Variants in DNAJC12 observed in about 807,000 individuals in gnomAD.
DNAJC12 encodes DnaJ heat shock protein family (Hsp40) member C12, also known as dnaJ homolog subfamily C member 12.
Under a neutral mutation model 28.5 loss-of-function variants are expected in DNAJC12, and 25 were observed. The ratio of observed to expected loss-of-function variants is 0.88; its 90% CI spans 0.64 to 1.22. The LOEUF is 1.22. Among genes scored for constraint, DNAJC12 ranks in the 50% most tolerant of loss-of-function variants. The pLI, the probability that DNAJC12 is intolerant of heterozygous loss-of-function variation, is 0.00. For missense variants in DNAJC12, 222 were observed against 231.7 expected (o/e 0.96, Z 0.27); for synonymous variants, 77 against 80.6 (o/e 0.95, Z 0.24).
intron 4 of DNAJC12, among the ~76,000 whole-genome samples, chr10:67,801,914 T>C (rs1841750414): frequency 8.0e-6 from 1 of 125,078 alleles, no homozygotes; most frequent in South Asian, 2.8e-4. Context: ...CAGGCTGGAG[T>C]GCAGTGGCAG....
chr10:67,818,881 C>G (rs1841942163), intron 2 of DNAJC12, among the ~76,000 whole-genome samples: 1 of 152,064 alleles, frequency 6.6e-6, no homozygotes, highest in African/African-American at 2.4e-5. Context: ...TCTCAAGTTC[C>G]TGACCTCAGG....
intron 2 of DNAJC12, among the ~76,000 whole-genome samples, chr10:67,814,589 G>GA (rs747264648): frequency 3.9e-5 from 6 of 152,054 alleles, no homozygotes; most frequent in Non-Finnish European, 8.8e-5. Flanking sequence ...CATGGAATGG[G>GA]AAAAAATATC....
intron 3 of DNAJC12, among the ~76,000 whole-genome samples, chr10:67,810,339 G>A: frequency 6.6e-6 from 1 of 151,968 alleles, no homozygotes; most frequent in Admixed American, 6.6e-5. Flanking sequence ...ATCAACACTT[G>A]TACCCCAAAA....
chr10:67,804,479 G>A (rs1323211176), intron 4 of DNAJC12, among the ~76,000 whole-genome samples: 2 of 152,194 alleles, frequency 1.3e-5, no homozygotes, highest in Non-Finnish European at 2.9e-5. Context: ...TCCTGCCTCA[G>A]CCTCTTGAGT....
chr10:67,823,215 T>A, intron 2 of DNAJC12, 99 bp downstream of exon 2: 1 of 964,298 alleles, frequency 1.0e-6, no homozygotes, highest in East Asian at 2.4e-5. Flanking sequence ...TTGAGCATAA[T>A]AGACAAGAGA....
At chr10:67,806,333 T>A (rs1400534242) in intron 3 of DNAJC12, among the ~76,000 whole-genome samples, 1 of 152,152 alleles carries the variant, frequency 6.6e-6, no homozygotes, top group Non-Finnish European at 1.5e-5. Context: ...ATATTCTAGC[T>A]CTCTGCCCTA....
chr10:67,805,626 C>T lies in DNAJC12; in HGVS notation c.459G>A (p.Lys153=). 1 of 1,613,364 alleles carries T rather than the reference C, an allele frequency of 6.2e-7. No homozygotes were observed. Among genetic ancestry groups the T allele is most frequent in the Non-Finnish European group, 8.5e-7 (1 of 1,179,710 alleles). Residue 153 remains lysine (K), a synonymous_variant, in exon 4 of 5, where the codon AAG becomes AAA. Coordinates refer to ENST00000225171, the MANE Select transcript of DNAJC12 (RefSeq NM_021800.3). ...TAEKTEQKEP[K]PLEKSVSPQN... is the part of the protein sequence containing the mutation. Reference sequence around the variant, plus strand: ...GCGGGGAGACTGACTTCTCTAGGGGCTTGGGTTCTTTCTGCTCCGTTTTCT... The same window carrying T: ...GCGGGGAGACTGACTTCTCTAGGGGTTTGGGTTCTTTCTGCTCCGTTTTCT...
intron 3 of DNAJC12, among the ~76,000 whole-genome samples, chr10:67,808,221 G>A (rs561542399): frequency 2.6e-4 from 40 of 152,300 alleles, no homozygotes; most frequent in Non-Finnish European, 4.9e-4. Flanking sequence ...TCAAATGACA[G>A]CAATTGATAC....
chr10:67,798,613 G>C (rs1297506282), intron 4 of DNAJC12, among the ~76,000 whole-genome samples: 1 of 151,896 alleles, frequency 6.6e-6, no homozygotes, highest in African/African-American at 2.4e-5. Context: ...GCCCCAGAGG[G>C]GGAGGTTGCA....
Position 67,826,633 on chromosome 10 carries a change from A to T in DNAJC12, c.79-3241T>A, listed in dbSNP as rs569408379. 7.3e-4 allele frequency among the ~76,000 whole-genome samples: 98 copies of T among 133,726 alleles called. 1 individual carries two copies. Among genetic ancestry groups the T allele is most frequent in the African/African-American group, 2.7e-3 (97 of 35,956 alleles). The allele number at this position is 133,726 out of a possible 152,430, so 87.7% of individuals were successfully genotyped here. The stretch of plus-strand genomic sequence containing the variant: ...AATGATATATATTATATATATCATT[A>T]TATATAAGATATCTAATGATATATA... On this transcript the variant is annotated intron_variant, in intron 1 of 4. Coordinates refer to ENST00000225171, the MANE Select transcript of DNAJC12 (RefSeq NM_021800.3).
chr10:67,820,613 A>G (rs937834342), intron 2 of DNAJC12, among the ~76,000 whole-genome samples: 4 of 151,962 alleles, frequency 2.6e-5, no homozygotes, highest in African/African-American at 4.8e-5. Context: ...ATAAAAAGGG[A>G]AAAAAAATCA....
intron 3 of DNAJC12, among the ~76,000 whole-genome samples, chr10:67,807,665 G>A (rs1841817268): frequency 1.3e-5 from 2 of 152,172 alleles, no homozygotes; most frequent in South Asian, 4.1e-4. Context: ...AGGGCCCAGA[G>A]AGCTGAAAAT....
chr10:67,797,880 A>C (rs1021275884), intron 4 of DNAJC12, among the ~76,000 whole-genome samples: 5 of 152,068 alleles, frequency 3.3e-5, no homozygotes, highest in South Asian at 2.1e-4. Flanking sequence ...CTCTACTAAA[A>C]ATACAAAAAA....
At chr10:67,815,112 A>G (rs1300384819) in intron 2 of DNAJC12, among the ~76,000 whole-genome samples, 1 of 152,258 alleles carries the variant, frequency 6.6e-6, no homozygotes, top group Non-Finnish European at 1.5e-5. Flanking sequence ...TCAACTGTGA[A>G]TTGATAAACA....
intron 2 of DNAJC12, among the ~76,000 whole-genome samples, chr10:67,821,473 GCCATTGCACTC>G (rs1422875242): frequency 6.6e-6 from 1 of 152,086 alleles, no homozygotes; most frequent in Non-Finnish European, 1.5e-5. Context: ...CCAATATCGT[GCCATTGCACTC>G]CAGCCTGGGC....
chr10:67,815,884 G>T (rs998136709), intron 2 of DNAJC12, among the ~76,000 whole-genome samples: 1 of 152,178 alleles, frequency 6.6e-6, no homozygotes, highest in Non-Finnish European at 1.5e-5. Context: ...AACAACAGTT[G>T]ATAAGCAGAA....
intron 3 of DNAJC12, among the ~76,000 whole-genome samples, chr10:67,809,870 T>TA (rs1381300557): frequency 6.6e-6 from 1 of 152,044 alleles, no homozygotes; most frequent in Non-Finnish European, 1.5e-5. Context: ...GAGTGAAGGA[T>TA]AAAAAACTAC....
chr10:67,829,142 T>C (rs1309101840), intron 1 of DNAJC12, among the ~76,000 whole-genome samples: 1 of 151,904 alleles, frequency 6.6e-6, no homozygotes, highest in Non-Finnish European at 1.5e-5. Context: ...AAAAGCAGAC[T>C]CGGGCGGGGT....
chr10:67,833,733 C>T (rs767223881), intron 1 of DNAJC12: 6 of 426,666 alleles, frequency 1.4e-5, no homozygotes, highest in Admixed American at 2.8e-5. Flanking sequence ...TCCAGGCTCT[C>T]GGTAGAGGCA....
Sources: gnomAD v4.1 joint callset for allele counts (sites outside exome capture counted in the v4.1 genomes callset) on GRCh38, gnomAD v4.1.1 for gene constraint, MANE v1.5 for transcripts, NCBI Gene and HGNC (gene_info 2026-07-23, HGNC 2026-07-21) for gene names.